PI4K2A: variants seen among roughly 807,000 people sequenced by gnomAD.
PI4K2A encodes the protein phosphatidylinositol 4-kinase type 2 alpha.
PI4K2A carries 20 observed loss-of-function variants against 55.0 expected under a neutral mutation model. The observed-to-expected ratio is 0.36, with a 90% CI of 0.26 to 0.53. PI4K2A has a LOEUF of 0.53. PI4K2A is among the 20% of genes least tolerant of loss of function. The pLI is 0.91. For synonymous variants in PI4K2A, 235 were observed against 258.5 expected, an observed-to-expected ratio of 0.91 and a Z score of 0.87; for missense variants, 463 against 637.1, an observed-to-expected ratio of 0.73 and a Z score of 2.94.
At chr10:97,659,300 C>T (rs2041569675) in intron 4 of PI4K2A, among the ~76,000 whole-genome samples, 1 of 152,130 alleles carries the variant, frequency 6.6e-6, no homozygotes, top group East Asian at 1.9e-4. Context: ...TCTCAAAGTG[C>T]TGGGATTACA....
chr10:97,658,803 T>C (rs956353426), intron 4 of PI4K2A, among the ~76,000 whole-genome samples: 1 of 152,236 alleles, frequency 6.6e-6, no homozygotes, highest in Non-Finnish European at 1.5e-5. Flanking sequence ...TCTTATAGTT[T>C]TGATTTGCAT....
chr10:97,666,566 T>C, exon 7 of PI4K2A: 2 of 1,610,956 alleles, frequency 1.2e-6, no homozygotes, highest in Non-Finnish European at 1.7e-6. Context: ...ATATGAACTC[T>C]TCAAGGTTAG....
chr10:97,650,861 T>C (rs1311665283), intron 1 of PI4K2A, 80 bp from the exon 2 acceptor site: 2 of 1,048,252 alleles, frequency 1.9e-6, no homozygotes, highest in Non-Finnish European at 2.9e-6. Flanking sequence ...GTCATTTCTT[T>C]CCAGATTCCT....
At chr10:97,651,201 C>A in intron 2 of PI4K2A, 60 bp downstream of exon 2, 1 of 1,328,634 alleles carries the variant, frequency 7.5e-7, no homozygotes, top group Non-Finnish European at 1.1e-6. Context: ...GGGGCCTAAG[C>A]CCTGCTACAT....
At chr10:97,640,868 C>T (rs995124073) in exon 1 of PI4K2A, 2 of 1,310,368 alleles carry the variant, frequency 1.5e-6, no homozygotes, top group Non-Finnish European at 1.9e-6. Context: ...CGGCGGCGGC[C>T]GGCTCGGGCC....
chr10:97,666,042 G>C (rs1296117534), intron 6 of PI4K2A, among the ~76,000 whole-genome samples: 1 of 151,252 alleles, frequency 6.6e-6, no homozygotes, highest in Non-Finnish European at 1.5e-5. Context: ...TGTCTTCCTT[G>C]TTCCATCTCC....
intron 5 of PI4K2A, among the ~76,000 whole-genome samples, chr10:97,664,533 A>T (rs1007132474): frequency 6.6e-6 from 1 of 152,102 alleles, no homozygotes; most frequent in Non-Finnish European, 1.5e-5. Context: ...TATGGATTTT[A>T]TTTCTTCTGT....
intron 1 of PI4K2A, 36 bp downstream of exon 1, chr10:97,641,213 AG>A: frequency 6.6e-7 from 1 of 1,525,680 alleles, no homozygotes; most frequent in Non-Finnish European, 8.9e-7. Flanking sequence ...CCGCGGGCTG[AG>A]GGCCGGCGGC....
At position 97,650,991 on chromosome 10, in the gene PI4K2A, T is replaced by A. The variant is rs61729389; in HGVS notation, c.486T>A (p.Leu162=). ...AGAATGAAGAGCCCTATGGGCATCT[T>A]AATCCTAAGTGGACCAAGTGGCTGC... is the stretch of plus-strand genomic sequence containing the variant. Residue 162 remains leucine, a synonymous_variant, in exon 2 of 9, where the codon CTT becomes CTA. Coordinates refer to ENST00000370631, the Ensembl canonical transcript of PI4K2A. 1,280 of 1,614,128 alleles carry A rather than the reference T, an allele frequency of 7.9e-4. 10 individuals are homozygous for A. In the African/African-American group the frequency reaches 0.015, roughly 19 times the overall value.
At chr10:97,653,449 A>G (rs572378915) in intron 2 of PI4K2A, among the ~76,000 whole-genome samples, 6 of 152,376 alleles carry the variant, frequency 3.9e-5, no homozygotes, top group Middle Eastern at 3.4e-3. Flanking sequence ...AGTGAGTGCC[A>G]GGCACAACGT....
intron 4 of PI4K2A, among the ~76,000 whole-genome samples, chr10:97,662,595 A>G (rs1015249250): frequency 6.6e-6 from 1 of 152,158 alleles, no homozygotes; most frequent in Non-Finnish European, 1.5e-5. Context: ...AGGCTCTTAT[A>G]ATTGTTCTAC....
intron 8 of PI4K2A, among the ~76,000 whole-genome samples, chr10:97,668,435 AT>A (rs1181110819): frequency 6.6e-6 from 1 of 152,040 alleles, no homozygotes; most frequent in African/African-American, 2.4e-5. Context: ...AAAATTAGCC[AT>A]GTGTGGTGGC....
chr10:97,649,142 C>A (rs1357618089), intron 1 of PI4K2A, among the ~76,000 whole-genome samples: 1 of 152,130 alleles, frequency 6.6e-6, no homozygotes, highest in Non-Finnish European at 1.5e-5. Context: ...AAGTGACACC[C>A]ACAGAAAAAT....
chr10:97,645,987 G>GT (rs1291507025), intron 1 of PI4K2A, among the ~76,000 whole-genome samples: 1 of 152,148 alleles, frequency 6.6e-6, no homozygotes, highest in African/African-American at 2.4e-5. Context: ...AGTTCTTAGA[G>GT]TGTGGCCCAG....
At position 97,673,632 on chromosome 10, in the gene PI4K2A, G is replaced by A. The variant is rs143318523; in HGVS notation, c.1330G>A (p.Val444Ile). Reference sequence around the variant, plus strand: ...AGACAACAAGAGTCCCCTGCACCTCGTCCAGATGCCACCTGTGATTGTCGA... The same window carrying A: ...AGACAACAAGAGTCCCCTGCACCTCATCCAGATGCCACCTGTGATTGTCGA... The change falls in exon 9 of 9, where the codon GTC becomes ATC. Residue 444 changes from valine to isoleucine, a missense_variant. By Grantham distance (29) the Val-to-Ile change is conservative. Around this residue, in one of 2 missense-constraint regions of PI4K2A, gnomAD observed 277 missense variants for 432.6 expected, o/e 0.64. Transcript: ENST00000370631. The A allele has an allele frequency of 1.7e-3, 2,728 of 1,614,000 alleles. 1 individual carries two copies. Among genetic ancestry groups the A allele is most frequent in the Non-Finnish European group, 1.8e-3 (2,162 of 1,179,958 alleles).
At chr10:97,667,240 C>T in intron 8 of PI4K2A, 120 bp downstream of exon 8, 1 of 683,444 alleles carries the variant, frequency 1.5e-6, no homozygotes, top group Non-Finnish European at 2.6e-6. Context: ...GACCGAGTCT[C>T]ACTCTGTCAC....
rs546716852 is a variant in PI4K2A, at chr10:97,659,382, A to G, written c.922+2408A>G. ...GACTTTGTATGCTGCTACTTTCCTG[A>G]ATTATTAGTTCTAGTAGTTATTTTT... On this transcript the variant is annotated intron_variant, in intron 4 of 8. Coordinates refer to ENST00000370631, the Ensembl canonical transcript of PI4K2A. Among the ~76,000 whole-genome samples the G allele has an allele frequency of 7.3e-5, 11 of 150,694 alleles. No individual in the cohort carries two copies. In the South Asian group the frequency reaches 1.9e-3, roughly 26 times the overall value.
intron 8 of PI4K2A, among the ~76,000 whole-genome samples, chr10:97,671,494 T>C (rs138914850): frequency 6.6e-6 from 1 of 152,166 alleles, no homozygotes; most frequent in East Asian, 1.9e-4. Flanking sequence ...GCAAATGCTA[T>C]ATAGGAACTC....
chr10:97,651,106 C>T lies in PI4K2A; in HGVS notation c.601C>T (p.Gln201Ter), dbSNP rs1218108945. The change falls in exon 2 of 9, where the codon CAA (glutamine) becomes TAA (stop). Residue 201 changes from glutamine to a stop codon, truncating the protein, a stop_gained. Coordinates refer to ENST00000370631, the Ensembl canonical transcript of PI4K2A. LOFTEE classifies it high-confidence loss of function. ...AGAAGCAGGGGCCAGCCTGGTGGAC[C>T]AAAAACTGGAACTCAACATTGTTCC... 1 of 1,613,566 alleles carries T rather than the reference C, an allele frequency of 6.2e-7. No homozygotes were observed. Among genetic ancestry groups the T allele is most frequent in the Non-Finnish European group, 8.5e-7 (1 of 1,179,948 alleles).
Sources: gnomAD v4.1 joint callset for allele counts (sites outside exome capture counted in the v4.1 genomes callset) on GRCh38, gnomAD v4.1.1 for gene constraint, gnomAD v4.1.1 regional missense constraint, MANE v1.5 for transcripts, NCBI Gene and HGNC (gene_info 2026-07-23, HGNC 2026-07-21) for gene names.